PDE4D: variants seen among roughly 807,000 people sequenced by gnomAD.
The protein encoded by PDE4D is phosphodiesterase 4D, also known as 3',5'-cyclic-AMP phosphodiesterase 4D.
A neutral mutation model predicts 87.4 loss-of-function variants in PDE4D; 24 were observed. That is an observed-to-expected ratio of 0.27 (90% confidence interval 0.20 to 0.39). The LOEUF is 0.39. Among genes scored for constraint, PDE4D ranks in the 10% least tolerant of loss-of-function variants. The probability of loss-of-function intolerance (pLI) is 1.00; values close to 1 mark genes in which losing one functional copy is unlikely to be tolerated. For missense variants in PDE4D, 714 were observed against 1,041.0 expected, an observed-to-expected ratio of 0.69 and a Z score of 4.32; for synonymous variants, 384 against 383.2, an observed-to-expected ratio of 1.00 and a Z score of -0.02.
chr5:59,522,019 T>A (rs1812335840), intron 1 of PDE4D, among the ~76,000 whole-genome samples: 1 of 152,068 alleles, frequency 6.6e-6, no homozygotes, highest in African/African-American at 2.4e-5. Flanking sequence ...CATTGAGATT[T>A]AAAAAAAACT....
At chr5:59,048,343 C>G (rs547663316) in intron 5 of PDE4D, among the ~76,000 whole-genome samples, 1 of 152,330 alleles carries the variant, frequency 6.6e-6, no homozygotes, top group Admixed American at 6.5e-5. Context: ...CCATCATATA[C>G]TATCAATCTT....
chr5:59,472,905 T>G (rs1013015666), intron 1 of PDE4D, among the ~76,000 whole-genome samples: 5 of 151,982 alleles, frequency 3.3e-5, no homozygotes, highest in Non-Finnish European at 5.9e-5. Context: ...AAAAGCAGAT[T>G]GTAGGAAAAA....
chr5:59,203,622 TATACAC>T (rs764969941), intron 2 of PDE4D, among the ~76,000 whole-genome samples: 1 of 150,010 alleles, frequency 6.7e-6, no homozygotes, highest in African/African-American at 2.5e-5. Flanking sequence ...GAAAATGTTA[TATACAC>T]ACACACACAC....
intron 5 of PDE4D, among the ~76,000 whole-genome samples, chr5:59,093,143 C>T (rs1229925006): frequency 1.3e-5 from 2 of 151,350 alleles, no homozygotes; most frequent in East Asian, 1.9e-4. Flanking sequence ...GAAATGGTTA[C>T]GGAGAGTAAA....
intron 1 of PDE4D, among the ~76,000 whole-genome samples, chr5:59,280,547 T>C (rs1193794757): frequency 6.6e-6 from 1 of 152,132 alleles, no homozygotes; most frequent in Admixed American, 6.6e-5. Context: ...CTCTTTCACA[T>C]TTCTTGTTCT....
intron 1 of PDE4D, among the ~76,000 whole-genome samples, chr5:59,554,973 C>G (rs1232904960): frequency 6.6e-6 from 1 of 152,142 alleles, no homozygotes; most frequent in East Asian, 1.9e-4. Context: ...AACAGAACTA[C>G]CATTCAACTC....
intron 2 of PDE4D, among the ~76,000 whole-genome samples, chr5:60,107,324 T>C (rs1362619211): frequency 5.9e-5 from 9 of 152,058 alleles, no homozygotes; most frequent in Admixed American, 2.6e-4. Context: ...GTTGAATCTC[T>C]GAATAGACCA....
intron 3 of PDE4D, among the ~76,000 whole-genome samples, chr5:59,926,510 G>C (rs990532804): frequency 6.6e-6 from 1 of 152,146 alleles, no homozygotes; most frequent in African/African-American, 2.4e-5. Flanking sequence ...ATCAAGATCA[G>C]TGCAGAAGTA....
At chr5:59,449,129 G>A (rs1460597463) in intron 1 of PDE4D, among the ~76,000 whole-genome samples, 1 of 152,200 alleles carries the variant, frequency 6.6e-6, no homozygotes, top group African/African-American at 2.4e-5. Flanking sequence ...GCAGTCCTGT[G>A]TTCCACTGTG....
At chr5:59,807,380 GCTT>G (rs1767859871) in intron 1 of PDE4D, among the ~76,000 whole-genome samples, 1 of 152,152 alleles carries the variant, frequency 6.6e-6, no homozygotes, top group South Asian at 2.1e-4. Context: ...TTTCCCCCAT[GCTT>G]CTTCTAGAGG....
intron 1 of PDE4D, among the ~76,000 whole-genome samples, chr5:59,822,302 T>TTTTATGATCTTGGATGAGTAGAA (rs1769787017): frequency 6.6e-6 from 1 of 152,220 alleles, no homozygotes; most frequent in South Asian, 2.1e-4. Context: ...ACAAACATGC[T>TTTTATGATCTTGGATGAGTAGAA]TTTATGATCT....
At chr5:60,102,570 A>G (rs1444887264) in intron 2 of PDE4D, among the ~76,000 whole-genome samples, 1 of 152,152 alleles carries the variant, frequency 6.6e-6, no homozygotes, top group Non-Finnish European at 1.5e-5. Context: ...AAGAAACCTT[A>G]AGACCCCAGG....
At chr5:59,530,686 T>C (rs941238813) in intron 1 of PDE4D, among the ~76,000 whole-genome samples, 3 of 152,216 alleles carry the variant, frequency 2.0e-5, no homozygotes, top group Non-Finnish European at 4.4e-5. Context: ...GAAGTATCAA[T>C]AGGAAATTTC....
chr5:60,220,174 C>T (rs1238947366), intron 1 of PDE4D, among the ~76,000 whole-genome samples: 2 of 152,092 alleles, frequency 1.3e-5, no homozygotes, highest in Non-Finnish European at 2.9e-5. Flanking sequence ...TTGCTTGCAG[C>T]CTGTCCACAA....
At chr5:59,587,389 G>T in intron 1 of PDE4D, 1 of 920,850 alleles carries the variant, frequency 1.1e-6, no homozygotes, top group Non-Finnish European at 1.3e-6. Flanking sequence ...TTTTCCAATA[G>T]GTGTCATTTA....
intron 2 of PDE4D, among the ~76,000 whole-genome samples, chr5:59,206,333 A>G (rs186213751): frequency 6.6e-6 from 1 of 152,320 alleles, no homozygotes; most frequent in Non-Finnish European, 1.5e-5. Context: ...ATAGAAGCAC[A>G]TCTTTAGATG....
intron 1 of PDE4D, chr5:59,768,679 C>A (rs1581011471): frequency 4.1e-6 from 6 of 1,455,348 alleles, no homozygotes; most frequent in South Asian, 1.4e-5. Context: ...AGGAGGCGAG[C>A]GCACTCCTCC....
intron 3 of PDE4D, among the ~76,000 whole-genome samples, chr5:59,933,792 T>TATATATATATATA (rs1561879282): frequency 1.7e-4 from 17 of 99,424 alleles, no homozygotes; most frequent in African/African-American, 7.3e-4. Context: ...ATATATATAT[T>TATATATATATATA]AATAAGCATT....
At chr5:59,771,485 G>GA (rs56311484) in intron 1 of PDE4D, among the ~76,000 whole-genome samples, 6 of 70,624 alleles carry the variant, frequency 8.5e-5, no homozygotes, top group Non-Finnish European at 1.1e-4. Context: ...AAGAAAGAAA[G>GA]AGAGAGAGAG....
Sources: gnomAD v4.1 joint callset for allele counts (sites outside exome capture counted in the v4.1 genomes callset) on GRCh38, gnomAD v4.1.1 for gene constraint, MANE v1.5 for transcripts, NCBI Gene and HGNC (gene_info 2026-07-23, HGNC 2026-07-21) for gene names.